Variants in CELF2 observed in about 807,000 individuals in gnomAD.
CELF2 encodes CUGBP Elav-like family member 2.
CELF2 carries 8 observed loss-of-function variants against 62.6 expected under a neutral mutation model. That is an observed-to-expected ratio of 0.13 (90% CI 0.07 to 0.23). The LOEUF (loss-of-function observed/expected upper bound fraction) is 0.23. CELF2 is among the 10% of genes least tolerant of loss of function. CELF2 has a pLI of 1.00. For missense variants in CELF2, 333 were observed against 671.0 expected, an observed-to-expected ratio of 0.50 and a Z score of 5.56; for synonymous variants, 258 against 250.0, an observed-to-expected ratio of 1.03 and a Z score of -0.30.
At chr10:10,649,959 C>T in the CELF2 span, among the ~76,000 whole-genome samples, 1 of 150,838 alleles carries the variant, frequency 6.6e-6, no homozygotes, top group Non-Finnish European at 1.5e-5. Flanking sequence ...GATCGATGCC[C>T]GAGACAACAC....
At chr10:11,250,601 G>A (rs1326915202) in intron 4 of CELF2, among the ~76,000 whole-genome samples, 1 of 152,226 alleles carries the variant, frequency 6.6e-6, no homozygotes. Context: ...TGGGGCTGCA[G>A]CACTGAATAG....
chr10:10,673,771 T>C, the CELF2 span, among the ~76,000 whole-genome samples: 1 of 152,178 alleles, frequency 6.6e-6, no homozygotes, highest in African/African-American at 2.4e-5. Context: ...TTTTTAAATT[T>C]CTCTTGGACC....
At chr10:10,514,632 G>T in the CELF2 span, among the ~76,000 whole-genome samples, 1 of 152,164 alleles carries the variant, frequency 6.6e-6, no homozygotes, top group African/African-American at 2.4e-5. Context: ...CGTGGATTCA[G>T]ACGTGGCAAG....
chr10:10,775,020 A>C, the CELF2 span, among the ~76,000 whole-genome samples: 1 of 152,014 alleles, frequency 6.6e-6, no homozygotes, highest in Non-Finnish European at 1.5e-5. Context: ...CTGGGATCAC[A>C]GGTGTTCACC....
chr10:11,101,702 C>T (rs1459801574), intron 1 of CELF2, among the ~76,000 whole-genome samples: 1 of 152,184 alleles, frequency 6.6e-6, no homozygotes, highest in East Asian at 1.9e-4. Context: ...AGGTTTTTAC[C>T]ACTGTAGCAC....
At chr10:11,094,843 A>G (rs1268388768) in intron 1 of CELF2, among the ~76,000 whole-genome samples, 1 of 152,218 alleles carries the variant, frequency 6.6e-6, no homozygotes, top group African/African-American at 2.4e-5. Context: ...AGTAGGGGAC[A>G]TTGACAAGAA....
At chr10:11,019,373 T>C (rs940808873) in intron 1 of CELF2, among the ~76,000 whole-genome samples, 5 of 152,234 alleles carry the variant, frequency 3.3e-5, no homozygotes, top group Non-Finnish European at 7.3e-5. Context: ...AAATGTTTCC[T>C]GTTCTACCCA....
At chr10:10,671,123 A>G in the CELF2 span, among the ~76,000 whole-genome samples, 1 of 145,684 alleles carries the variant, frequency 6.9e-6, no homozygotes. Context: ...CTGTGATTGC[A>G]CCACTGCACT....
chr10:10,922,448 C>T (rs1329894166), intron 2 of CELF2, among the ~76,000 whole-genome samples: 1 of 152,162 alleles, frequency 6.6e-6, no homozygotes, highest in African/African-American at 2.4e-5. Context: ...AGCAGACCAC[C>T]TCTATGTTGT....
chr10:10,649,691 C>A, the CELF2 span, among the ~76,000 whole-genome samples: 1 of 152,130 alleles, frequency 6.6e-6, no homozygotes, highest in Non-Finnish European at 1.5e-5. Flanking sequence ...CTAGAAGAGG[C>A]AAGTGAATTC....
upstream of CELF2, among the ~76,000 whole-genome samples, chr10:10,793,969 CT>C (rs1230908961): frequency 2.0e-5 from 3 of 148,224 alleles, no homozygotes; most frequent in East Asian, 3.9e-4. Context: ...ACAATGTTTT[CT>C]TTTTTTTGTT....
chr10:11,130,011 G>GT (rs896240762), intron 1 of CELF2, among the ~76,000 whole-genome samples: 1 of 152,186 alleles, frequency 6.6e-6, no homozygotes, highest in African/African-American at 2.4e-5. Flanking sequence ...TGGGCATTCA[G>GT]TGCTGTAAAT....
rs774823871 is a variant in CELF2, at chr10:11,288,569, C to G, written c.976+17C>G. The stretch of plus-strand genomic sequence containing the variant: ...CGAGTCCCGGTGAGTGTGGGGGGTG[C>G]TCTTCCCTTGCAGGTGATGCAGCAG... On this transcript the variant is annotated intron_variant, in intron 9 of 12. Transcript: ENST00000633077. 65 of 1,612,424 alleles carry G rather than the reference C, an allele frequency of 4.0e-5. No individual in the cohort carries two copies. The highest frequency in any genetic ancestry group is 5.5e-5 in the Non-Finnish European group (65 of 1,179,564).
intron 1 of CELF2, among the ~76,000 whole-genome samples, chr10:10,817,472 G>A (rs1003093269): frequency 2.6e-5 from 4 of 151,778 alleles, no homozygotes; most frequent in Non-Finnish European, 4.4e-5. Context: ...CCCAACCCCC[G>A]CATTACGCTT....
At chr10:10,685,980 G>A in the CELF2 span, among the ~76,000 whole-genome samples, 177 of 152,256 alleles carry the variant, frequency 1.2e-3, 1 homozygote, top group African/African-American at 4.2e-3. Context: ...CCTGGGAGTG[G>A]CTTGCCCTCC....
intron 1 of CELF2, among the ~76,000 whole-genome samples, chr10:11,112,392 G>T (rs2055414968): frequency 6.6e-6 from 1 of 152,230 alleles, no homozygotes; most frequent in South Asian, 2.1e-4. Context: ...AACTGCAGGA[G>T]TTAGAGAAAG....
At chr10:10,713,709 G>A in the CELF2 span, among the ~76,000 whole-genome samples, 4 of 152,310 alleles carry the variant, frequency 2.6e-5, no homozygotes, top group East Asian at 5.8e-4. Flanking sequence ...AGGATAAACT[G>A]TTGTAAATGA....
chr10:10,505,578 G>A, the CELF2 span, among the ~76,000 whole-genome samples: 3 of 152,050 alleles, frequency 2.0e-5, no homozygotes, highest in South Asian at 2.1e-4. Flanking sequence ...GGGGATTAAC[G>A]TTCTAGCTCT....
chr10:10,804,063 G>A (rs2054948899), intron 1 of CELF2, among the ~76,000 whole-genome samples: 1 of 152,136 alleles, frequency 6.6e-6, no homozygotes, highest in African/African-American at 2.4e-5. Context: ...TGTCTAATAT[G>A]GTAATGTAGA....
Sources: allele counts gnomAD v4.1 joint callset (sites outside exome capture counted in the v4.1 genomes callset), GRCh38; gene constraint gnomAD v4.1.1; transcripts MANE v1.5; gene names NCBI Gene and HGNC (gene_info 2026-07-23, HGNC 2026-07-21).